Variants in SAMD12 observed in about 807,000 individuals in gnomAD.
SAMD12 encodes the protein sterile alpha motif domain containing 12.
A neutral mutation model predicts 15.0 loss-of-function variants in SAMD12; 9 were observed. The observed-to-expected ratio is 0.60, with a 90% CI of 0.36 to 1.05. The LOEUF (loss-of-function observed/expected upper bound fraction) is 1.05, where lower values mean the gene tolerates loss of function less well. SAMD12 is among the 50% of genes least tolerant of loss of function. SAMD12 has a pLI of 0.01. For synonymous variants in SAMD12, 86 were observed against 90.1 expected, an observed-to-expected ratio of 0.96 and a Z score of 0.25; for missense variants, 230 against 234.2, an observed-to-expected ratio of 0.98 and a Z score of 0.12.
chr8:118,139,301 G>T, the SAMD12 span, among the ~76,000 whole-genome samples: 1 of 151,558 alleles, frequency 6.6e-6, no homozygotes, highest in Non-Finnish European at 1.5e-5. Context: ...AACATAACTG[G>T]ATATATTTCT....
At chr8:118,538,191 T>C (rs1398105235) in intron 2 of SAMD12, among the ~76,000 whole-genome samples, 1 of 148,966 alleles carries the variant, frequency 6.7e-6, no homozygotes, top group Non-Finnish European at 1.5e-5. Flanking sequence ...TCTGTCTGTC[T>C]CTCTTTCTCT....
chr8:118,205,879 C>T (rs1007677388), intron 4 of SAMD12, among the ~76,000 whole-genome samples: 2 of 152,166 alleles, frequency 1.3e-5, no homozygotes, highest in African/African-American at 4.8e-5. Context: ...AAAGAATGCC[C>T]TTGTGTGCAA....
At chr8:118,455,234 CTTCTT>C (rs1823210523) in intron 2 of SAMD12, among the ~76,000 whole-genome samples, 1 of 146,260 alleles carries the variant, frequency 6.8e-6, no homozygotes, top group African/African-American at 2.8e-5. Context: ...AACACACTTT[CTTCTT>C]GAGACACTTT....
chr8:118,331,233 C>T (rs946545370), intron 4 of SAMD12, among the ~76,000 whole-genome samples: 2 of 152,026 alleles, frequency 1.3e-5, no homozygotes, highest in African/African-American at 4.8e-5. Context: ...AGAACATGGA[C>T]TTAGTATACA....
intron 2 of SAMD12, among the ~76,000 whole-genome samples, chr8:118,531,062 G>T (rs1270313970): frequency 1.3e-5 from 2 of 152,172 alleles, no homozygotes; most frequent in Non-Finnish European, 2.9e-5. Context: ...ATGGTTTTAG[G>T]TCTAATGTTT....
At chr8:118,464,337 T>G (rs1455425864) in intron 2 of SAMD12, among the ~76,000 whole-genome samples, 1 of 151,988 alleles carries the variant, frequency 6.6e-6, no homozygotes, top group Admixed American at 6.5e-5. Flanking sequence ...AGGGGCAGAG[T>G]GACTCTATTT....
rs16890990 is a variant in SAMD12, at chr8:118,413,904, T to C, written c.322+25928A>G. The stretch of plus-strand genomic sequence containing the variant: ...AGATAATAGAACCCATTATGAAAGA[T>C]AATTGAGCAATTTGGTGCAGGGTCG... On this transcript the variant is annotated intron_variant, in intron 3 of 3. Coordinates refer to ENST00000314727, the MANE Select transcript of SAMD12 (RefSeq NM_207506.3). 2.5e-3 allele frequency among the ~76,000 whole-genome samples: 327 copies of C among 130,962 alleles called. 2 individuals carry two copies. The highest frequency in any genetic ancestry group is 8.8e-3 in the African/African-American group (312 of 35,422). 85.9% of individuals were successfully genotyped at this position (130,962 alleles called of 152,430 possible).
At chr8:118,328,986 C>T (rs1205052781) in intron 4 of SAMD12, among the ~76,000 whole-genome samples, 1 of 152,142 alleles carries the variant, frequency 6.6e-6, no homozygotes, top group African/African-American at 2.4e-5. Flanking sequence ...TCAACAAAGG[C>T]ATTTTATAAG....
intron 4 of SAMD12, among the ~76,000 whole-genome samples, chr8:118,318,170 C>T (rs1816014376): frequency 1.3e-5 from 2 of 151,620 alleles, no homozygotes; most frequent in Admixed American, 1.3e-4. Flanking sequence ...AGTGGATATA[C>T]CATTTGATCC....
In SAMD12 at chr8:118,438,750, A is replaced by G. The variant is rs149710796; in HGVS notation, c.322+1082T>C. The stretch of plus-strand genomic sequence containing the variant: ...GAGAGATTAGGATTTGTCATGACAG[A>G]AAGTGTGGGTTTGGAAAGAGGTTTG... On this transcript the variant is annotated intron_variant, in intron 3 of 3. Transcript: ENST00000314727. Among the ~76,000 whole-genome samples the G allele has an allele frequency of 5.9e-3, 898 of 152,286 alleles. 7 individuals carry two copies. Among genetic ancestry groups the G allele is most frequent in the African/African-American group, 0.018 (755 of 41,560 alleles).
At chr8:118,286,329 A>C (rs893610509) in intron 4 of SAMD12, among the ~76,000 whole-genome samples, 3 of 151,852 alleles carry the variant, frequency 2.0e-5, no homozygotes, top group East Asian at 3.9e-4. Flanking sequence ...AAAAAAAAAG[A>C]AAGCAAGCTG....
intron 1 of SAMD12, among the ~76,000 whole-genome samples, chr8:118,612,997 A>C (rs1013100477): frequency 5.3e-5 from 8 of 152,232 alleles, no homozygotes; most frequent in African/African-American, 1.9e-4. Context: ...AATCTAGAAA[A>C]GGCAAAAGTC....
At chr8:118,531,774 C>T (rs200760024) in intron 2 of SAMD12, among the ~76,000 whole-genome samples, 4 of 152,182 alleles carry the variant, frequency 2.6e-5, no homozygotes, top group East Asian at 3.9e-4. Flanking sequence ...TGCACACTGA[C>T]TTTGTATCCT....
At chr8:118,256,009 A>G (rs375438976) in intron 4 of SAMD12, among the ~76,000 whole-genome samples, 2,145 of 152,226 alleles carry the variant, frequency 0.014, 47 homozygotes, top group African/African-American at 0.048. Flanking sequence ...CATCCTCTCC[A>G]GCACCTGTTG....
chr8:118,241,400 G>T (rs1375401064), intron 4 of SAMD12, among the ~76,000 whole-genome samples: 1 of 151,998 alleles, frequency 6.6e-6, no homozygotes, highest in Admixed American at 6.6e-5. Context: ...TTGCCTTTTA[G>T]CACACTAACA....
intron 2 of SAMD12, among the ~76,000 whole-genome samples, chr8:118,551,571 G>A (rs192848581): frequency 3.7e-4 from 56 of 152,210 alleles, no homozygotes; most frequent in African/African-American, 7.0e-4. Context: ...ACAAGAGAAA[G>A]CAAGAAAGAT....
intron 4 of SAMD12, among the ~76,000 whole-genome samples, chr8:118,361,207 A>G (rs1818482979): frequency 1.3e-5 from 2 of 152,218 alleles, no homozygotes; most frequent in South Asian, 4.1e-4. Flanking sequence ...AATGCAATTA[A>G]TAACTTAATA....
chr8:118,387,515 C>G (rs1820030046), intron 3 of SAMD12, among the ~76,000 whole-genome samples: 1 of 152,042 alleles, frequency 6.6e-6, no homozygotes, highest in African/African-American at 2.4e-5. Flanking sequence ...GGTGCAGTTA[C>G]TCTGTTAAAC....
Position 118,568,654 on chromosome 8 carries a change from G to A in SAMD12, c.192+12061C>T, listed in dbSNP as rs78332288. Among the ~76,000 whole-genome samples the A allele has an allele frequency of 4.6e-3, 700 of 152,280 alleles. 2 individuals carry two copies. The highest frequency in any genetic ancestry group is 0.015 in the African/African-American group (642 of 41,560). On this transcript the variant is annotated intron_variant, in intron 2 of 3. Transcript: ENST00000314727. ...TGTACAATCCAAAGCTTTAATTTATGGGACTGTTTCAATGAAACTTCATCA... is the reference window on the plus strand; with the variant it reads ...TGTACAATCCAAAGCTTTAATTTATAGGACTGTTTCAATGAAACTTCATCA...
Sources: gnomAD v4.1 joint callset for allele counts (sites outside exome capture counted in the v4.1 genomes callset) on GRCh38, gnomAD v4.1.1 for gene constraint, MANE v1.5 for transcripts, NCBI Gene and HGNC (gene_info 2026-07-23, HGNC 2026-07-21) for gene names.